The following OR1S1 variants were observed in gnomAD, a reference collection of about 807,000 sequenced individuals.
OR1S1 encodes olfactory receptor 1S1.
For synonymous variants in OR1S1, 156 were observed against 143.9 expected (o/e 1.08, Z -0.60); for missense variants, 411 against 367.5 (o/e 1.12, Z -0.97).
At chr11:58,215,666 A>C (rs1286424054) in exon 2 of OR1S1, 1 of 1,613,856 alleles carries the variant, frequency 6.2e-7, no homozygotes, top group African/African-American at 1.3e-5. Context: ...CTTGAGGAAT[A>C]AGGATATGAA....
chr11:58,215,979 A>C, exon 2 of OR1S1: 1 of 465,190 alleles, frequency 2.1e-6, no homozygotes. Context: ...AGGGGTGGGA[A>C]GATGGAATGG....
exon 2 of OR1S1, chr11:58,215,103 T>G: frequency 1.2e-6 from 2 of 1,614,198 alleles, no homozygotes; most frequent in Non-Finnish European, 1.7e-6. Flanking sequence ...TCTATTGTGT[T>G]TGTCGTCATT....
At chr11:58,214,534 A>C (rs1966837) in intron 1 of OR1S1, among the ~76,000 whole-genome samples, 195 bp from the exon 2 acceptor site, 65,361 of 152,110 alleles carry the variant, frequency 0.43, 14,903 homozygotes, top group East Asian at 0.8. Context: ...GAAAAATCAC[A>C]TTCAGAATCC....
At chr11:58,214,220 T>C (rs746631399) in intron 1 of OR1S1, among the ~76,000 whole-genome samples, 39 of 152,318 alleles carry the variant, frequency 2.6e-4, no homozygotes, top group Non-Finnish European at 5.3e-4. Flanking sequence ...CTTCTTGTAC[T>C]CATTCTCCAA....
exon 2 of OR1S1, chr11:58,215,019 C>G: frequency 6.2e-7 from 1 of 1,614,116 alleles, no homozygotes; most frequent in Non-Finnish European, 8.5e-7. Flanking sequence ...AACTCAGTCC[C>G]CAAAATGCTG....
chr11:58,213,738 C>T (rs1210770882), intron 1 of OR1S1, among the ~76,000 whole-genome samples: 1 of 152,216 alleles, frequency 6.6e-6, no homozygotes, highest in Admixed American at 6.5e-5. Flanking sequence ...GGCCTGGTGT[C>T]TCTTGAGACC....
exon 1 of OR1S1, chr11:58,212,744 T>C (rs1854972657): frequency 6.6e-6 from 1 of 152,172 alleles, no homozygotes; most frequent in Non-Finnish European, 1.5e-5. Context: ...ATTTTTACCA[T>C]CATTCAGAGG....
chr11:58,215,780 A>G (rs1305617370), exon 2 of OR1S1: 90 of 1,557,850 alleles, frequency 5.8e-5, no homozygotes, highest in Non-Finnish European at 7.6e-5. Context: ...TTCAGCCCAG[A>G]GCGTATGGCA....
chr11:58,215,369 G>A, exon 2 of OR1S1: 1 of 1,613,792 alleles, frequency 6.2e-7, no homozygotes, highest in African/African-American at 1.3e-5. Flanking sequence ...ATTGATCAAT[G>A]AGCTTGTGTT....
intron 1 of OR1S1, among the ~76,000 whole-genome samples, chr11:58,213,860 C>G (rs1852866426): frequency 6.6e-6 from 1 of 152,088 alleles, no homozygotes; most frequent in Admixed American, 6.5e-5. Flanking sequence ...TCATAAGAGA[C>G]CCACCTCATG....
exon 2 of OR1S1, chr11:58,215,180 A>G: frequency 2.5e-6 from 4 of 1,614,088 alleles, no homozygotes; most frequent in East Asian, 2.2e-5. Context: ...TCTGAATTAT[A>G]CAATTCTCAT....
At chr11:58,213,707 G>A (rs866017003) in intron 1 of OR1S1, among the ~76,000 whole-genome samples, 2 of 152,230 alleles carry the variant, frequency 1.3e-5, no homozygotes, top group South Asian at 4.1e-4. Flanking sequence ...GATACTAGCA[G>A]CTTGTGCCTT....
exon 2 of OR1S1, chr11:58,215,461 G>A: frequency 6.2e-7 from 1 of 1,614,092 alleles, no homozygotes; most frequent in South Asian, 1.1e-5. Context: ...GAGCTGTCCT[G>A]AGAGTATCTT....
chr11:58,215,437 T>C, exon 2 of OR1S1: 1 of 1,614,174 alleles, frequency 6.2e-7, no homozygotes, highest in Non-Finnish European at 8.5e-7. Flanking sequence ...TCTTTTCCTA[T>C]GTCTGCATCA....
exon 1 of OR1S1, chr11:58,212,830 G>T (rs1854973316): frequency 1.3e-5 from 2 of 152,272 alleles, no homozygotes; most frequent in Non-Finnish European, 2.9e-5. Flanking sequence ...ATTTGTGCAG[G>T]ACTACTGGTA....
chr11:58,215,602 T>A (rs764404389), exon 2 of OR1S1: 2 of 1,614,104 alleles, frequency 1.2e-6, no homozygotes, highest in Admixed American at 1.7e-5. Context: ...CTGATAAGAT[T>A]GGTGCTGTCC....
At position 58,214,963 on chromosome 11, in the gene OR1S1, T is replaced by A; in HGVS notation, c.180T>A (p.Tyr60Ter). 6.2e-7 allele frequency: 1 copy of A among 1,614,164 alleles called. No individual in the cohort carries two copies. Among genetic ancestry groups the A allele is most frequent in the Non-Finnish European group, 8.5e-7 (1 of 1,180,020 alleles). Residue 60 changes from tyrosine to a stop codon, truncating the protein, a stop_gained, in exon 2 of 2, where the codon TAT (tyrosine) becomes TAA (stop). Transcript: ENST00000641544. LOFTEE classifies it low-confidence loss of function (END_TRUNC). ...ATACGTACCTTCATACCCCCATGTA[T>A]CTCTTCCTTGCCAATCTATCCTTTG...
chr11:58,214,766 C>T (rs1373284939), exon 2 of OR1S1: 5 of 1,613,698 alleles, frequency 3.1e-6, no homozygotes, highest in Non-Finnish European at 4.2e-6. Flanking sequence ...TAGTTCCTTT[C>T]TTCAGATCGG....
chr11:58,215,296 C>T (rs201200340), exon 2 of OR1S1: 1 of 1,613,450 alleles, frequency 6.2e-7, no homozygotes, highest in South Asian at 1.1e-5. Context: ...TCTGTAACCA[C>T]AACACTCTCC....
Sources: allele counts gnomAD v4.1 joint callset (sites outside exome capture counted in the v4.1 genomes callset), GRCh38; gene constraint gnomAD v4.1.1; transcripts MANE v1.5; gene names NCBI Gene and HGNC (gene_info 2026-07-23, HGNC 2026-07-21).